SGTB: variants seen among roughly 807,000 people sequenced by gnomAD.
SGTB encodes small glutamine rich tetratricopeptide repeat co-chaperone beta, also known as small glutamine-rich tetratricopeptide repeat-containing protein beta.
A neutral mutation model predicts 43.9 loss-of-function variants in SGTB; 19 were observed. The observed-to-expected ratio is 0.43, with a 90% CI of 0.30 to 0.63. SGTB has a LOEUF of 0.63. Among genes scored for constraint, SGTB ranks in the 30% least tolerant of loss-of-function variants. The pLI is 0.12. For synonymous variants in SGTB, 116 were observed against 117.3 expected (o/e 0.99, Z 0.07); for missense variants, 304 against 358.9 (o/e 0.85, Z 1.24).
chr5:65,666,760 G>A lies in SGTB; in HGVS notation c.*3486C>T, dbSNP rs959055904. Reference sequence around the variant, plus strand: ...ATCTAGATTGAATTTGTTACAGGTGGTATATTAGCAAAGAAATAGAAAAAT... The same window carrying A: ...ATCTAGATTGAATTTGTTACAGGTGATATATTAGCAAAGAAATAGAAAAAT... On this transcript the variant is annotated 3_prime_UTR_variant, in exon 11 of 11. Coordinates refer to ENST00000381007, the MANE Select transcript of SGTB (RefSeq NM_019072.3). 1 of 152,018 alleles carries A rather than the reference G, an allele frequency of 6.6e-6. No individual in the cohort carries two copies. The highest frequency in any genetic ancestry group is 2.4e-5 in the African/African-American group (1 of 41,382). 9.4% of individuals were successfully genotyped at this position (152,018 alleles called of 1,614,324 possible).
intron 3 of SGTB, among the ~76,000 whole-genome samples, chr5:65,712,024 C>T (rs1037721276): frequency 2.6e-5 from 4 of 152,134 alleles, no homozygotes; most frequent in East Asian, 1.9e-4. Flanking sequence ...CAAGGCAGGA[C>T]GATGGTTTGA....
intron 8 of SGTB, among the ~76,000 whole-genome samples, chr5:65,675,989 T>C (rs1033039867): frequency 2.0e-5 from 3 of 151,908 alleles, no homozygotes; most frequent in Admixed American, 6.6e-5. Flanking sequence ...CACATAACAA[T>C]ACTAACCTTA....
At chr5:65,717,730 T>C (rs1758178092) in intron 2 of SGTB, among the ~76,000 whole-genome samples, 1 of 152,114 alleles carries the variant, frequency 6.6e-6, no homozygotes, top group Admixed American at 6.6e-5. Context: ...TGAATGAACT[T>C]AGAACAGATA....
intron 2 of SGTB, among the ~76,000 whole-genome samples, chr5:65,714,919 T>C (rs1254761299): frequency 1.3e-5 from 2 of 152,194 alleles, no homozygotes; most frequent in Non-Finnish European, 2.9e-5. Flanking sequence ...CATTAAAGAA[T>C]TTAGTGAGGG....
In SGTB at chr5:65,682,029, G is replaced by A. The variant is rs181016764; in HGVS notation, c.480-1235C>T. On this transcript the variant is annotated intron_variant, in intron 6 of 10. Transcript: ENST00000381007. ...CTTTAAGAAAATTTCATTCTACCTG[G>A]GGAAGACAGGCAACAAGCATGCAAA... 3.0e-3 allele frequency among the ~76,000 whole-genome samples: 450 copies of A among 152,082 alleles called. 2 individuals carry two copies. Among genetic ancestry groups the A allele is most frequent in the Non-Finnish European group, 4.6e-3 (313 of 68,016 alleles).
chr5:65,688,854 G>T (rs1312441270), intron 5 of SGTB, among the ~76,000 whole-genome samples: 2 of 152,136 alleles, frequency 1.3e-5, no homozygotes, highest in African/African-American at 2.4e-5. Context: ...CTGTCGCCCA[G>T]GCTGCAGTGC....
At chr5:65,721,748 T>C (rs1269515903) in intron 1 of SGTB, among the ~76,000 whole-genome samples, 169 bp downstream of exon 1, 1 of 151,900 alleles carries the variant, frequency 6.6e-6, no homozygotes. Context: ...AAGAGGGAAA[T>C]AGGCTTCTCC....
chr5:65,706,811 G>A (rs567073207), intron 4 of SGTB, among the ~76,000 whole-genome samples: 5 of 152,144 alleles, frequency 3.3e-5, no homozygotes, highest in South Asian at 4.2e-4. Context: ...CAGCCTGGGC[G>A]ACAGAGCCAG....
At chr5:65,707,595 C>T (rs1235479125) in intron 4 of SGTB, among the ~76,000 whole-genome samples, 1 of 151,912 alleles carries the variant, frequency 6.6e-6, no homozygotes, top group Non-Finnish European at 1.5e-5. Flanking sequence ...CCACCATGCC[C>T]AGCTAATTTT....
chr5:65,669,234 G>A lies in SGTB; in HGVS notation c.*1012C>T, dbSNP rs867768748. 1 of 152,146 alleles carries A rather than the reference G, an allele frequency of 6.6e-6. No individual in the cohort carries two copies. The highest frequency in any genetic ancestry group is 2.4e-5 in the African/African-American group (1 of 41,416). The allele number at this position is 152,146 out of a possible 1,614,324, so 9.4% of individuals were successfully genotyped here. A position where few individuals can be genotyped will look rare whatever the true frequency, so the allele number is the denominator to read the frequency against. On this transcript the variant is annotated 3_prime_UTR_variant, in exon 11 of 11. Transcript: ENST00000381007. ...AAGATTACATGAACAAGCAATGTTA[G>A]TGATAGATGCTTTTTGTTATCCATC... is the stretch of plus-strand genomic sequence containing the variant.
At chr5:65,697,255 G>A (rs1369673874) in intron 5 of SGTB, among the ~76,000 whole-genome samples, 1 of 152,102 alleles carries the variant, frequency 6.6e-6, no homozygotes, top group Non-Finnish European at 1.5e-5. Flanking sequence ...CAGGGAAAAA[G>A]ATACAATTTA....
chr5:65,684,959 C>T lies in SGTB; in HGVS notation c.479+409G>A, dbSNP rs144150858. Among the ~76,000 whole-genome samples, 934 of 152,250 alleles carry T rather than the reference C, an allele frequency of 6.1e-3. 9 individuals are homozygous for T. Among genetic ancestry groups the T allele is most frequent in the African/African-American group, 0.021 (893 of 41,548 alleles). ...AAATGAGTTGTTTTCCTTCAAAAAG[C>T]ATCTAGCTTCTCAATTAAGTGTAAG... On this transcript the variant is annotated intron_variant, in intron 6 of 10. Transcript: ENST00000381007.
At chr5:65,694,877 T>C (rs541368895) in intron 5 of SGTB, among the ~76,000 whole-genome samples, 1 of 152,262 alleles carries the variant, frequency 6.6e-6, no homozygotes, top group Admixed American at 6.5e-5. Flanking sequence ...GTAAGTTTCA[T>C]ATGACATGTG....
intron 3 of SGTB, among the ~76,000 whole-genome samples, chr5:65,710,316 T>C (rs556809362): frequency 6.6e-6 from 1 of 152,276 alleles, no homozygotes; most frequent in Non-Finnish European, 1.5e-5. Context: ...AAATAGCATA[T>C]TAAAAAATAG....
At chr5:65,722,433 T>G, upstream of SGTB, 1 of 1,578,260 alleles carries the variant, frequency 6.3e-7, no homozygotes, top group Non-Finnish European at 8.6e-7. Context: ...AGCGCGCGGG[T>G]TAACCTTGGC....
intron 5 of SGTB, among the ~76,000 whole-genome samples, chr5:65,698,228 A>AT (rs1312760115): frequency 2.0e-5 from 3 of 152,188 alleles, no homozygotes; most frequent in African/African-American, 7.2e-5. Context: ...AGATTTATGC[A>AT]TTTTTTGTAA....
intron 5 of SGTB, among the ~76,000 whole-genome samples, chr5:65,686,259 G>A (rs1037014016): frequency 6.6e-6 from 1 of 152,176 alleles, no homozygotes; most frequent in African/African-American, 2.4e-5. Context: ...AAAGGAGAAT[G>A]CTATGCTGCA....
In SGTB at chr5:65,667,197, G is replaced by A. The variant is rs1757054530; in HGVS notation, c.*3049C>T. ...AAGTTGTTAAATATACAATCCTTGAGTTGGTCATGGTGTTTTCTAGTTAGC... is the reference window on the plus strand; with the variant it reads ...AAGTTGTTAAATATACAATCCTTGAATTGGTCATGGTGTTTTCTAGTTAGC... On this transcript the variant is annotated 3_prime_UTR_variant, in exon 11 of 11. Coordinates refer to ENST00000381007, the MANE Select transcript of SGTB (RefSeq NM_019072.3). 1 of 152,172 alleles carries A rather than the reference G, an allele frequency of 6.6e-6. No individual in the cohort carries two copies. Among genetic ancestry groups the A allele is most frequent in the African/African-American group, 2.4e-5 (1 of 41,434 alleles). The allele number at this position is 152,172 out of a possible 1,614,324, so 9.4% of individuals were successfully genotyped here.
At chr5:65,684,251 AT>A (rs1324714334) in intron 6 of SGTB, among the ~76,000 whole-genome samples, 1 of 151,718 alleles carries the variant, frequency 6.6e-6, no homozygotes, top group Non-Finnish European at 1.5e-5. Context: ...CTCCTGGATA[AT>A]TTTTGTATTT....
Sources: gnomAD v4.1 joint callset for allele counts (sites outside exome capture counted in the v4.1 genomes callset) on GRCh38, gnomAD v4.1.1 for gene constraint, MANE v1.5 for transcripts, NCBI Gene and HGNC (gene_info 2026-07-23, HGNC 2026-07-21) for gene names.